GRIK4: variants seen among roughly 807,000 people sequenced by gnomAD.
The protein encoded by GRIK4 is glutamate receptor ionotropic, kainate 4.
GRIK4 carries 40 observed loss-of-function variants against 104.9 expected under a neutral mutation model. The observed-to-expected ratio is 0.38, with a 90% confidence interval of 0.30 to 0.50. GRIK4 has a LOEUF of 0.50. GRIK4 is among the 20% of genes least tolerant of loss of function. The pLI, the probability that GRIK4 is intolerant of heterozygous loss-of-function variation, is 0.93. For missense variants in GRIK4, 1,047 were observed against 1,308.1 expected, an observed-to-expected ratio of 0.80 and a Z score of 3.08; for synonymous variants, 485 against 524.9, an observed-to-expected ratio of 0.92 and a Z score of 1.04.
chr11:120,595,260 T>G (rs1322426735), intron 1 of GRIK4, among the ~76,000 whole-genome samples: 10 of 152,276 alleles, frequency 6.6e-5, no homozygotes, highest in Non-Finnish European at 7.3e-5. Context: ...TGGAGCACTC[T>G]TCGTCCTGCT....
intron 13 of GRIK4, among the ~76,000 whole-genome samples, chr11:120,938,377 T>G (rs973830191): frequency 6.6e-5 from 10 of 152,262 alleles, no homozygotes; most frequent in Admixed American, 2.0e-4. Flanking sequence ...TATTTTGTAG[T>G]GAAAATCCCC....
chr11:120,691,241 C>T (rs981900611), intron 3 of GRIK4, among the ~76,000 whole-genome samples: 1 of 152,070 alleles, frequency 6.6e-6, no homozygotes, highest in South Asian at 2.1e-4. Context: ...TCACTGTGGC[C>T]GACTCCTCAG....
At chr11:120,650,987 C>T (rs527811455) in intron 1 of GRIK4, among the ~76,000 whole-genome samples, 4 of 152,276 alleles carry the variant, frequency 2.6e-5, no homozygotes, top group African/African-American at 7.2e-5. Flanking sequence ...TCCAAGGTCA[C>T]GCAGCCCTCT....
chr11:120,542,199 TGAA>T (rs1392114670), intron 1 of GRIK4, among the ~76,000 whole-genome samples: 2 of 152,174 alleles, frequency 1.3e-5, no homozygotes, highest in African/African-American at 2.4e-5. Context: ...GAATACACAG[TGAA>T]GAAGGACAGT....
chr11:120,776,902 G>A (rs1042956051), intron 3 of GRIK4, among the ~76,000 whole-genome samples: 5 of 152,218 alleles, frequency 3.3e-5, no homozygotes, highest in African/African-American at 1.2e-4. Context: ...TTACATAGAA[G>A]TGGCAGTTTC....
At position 120,782,164 on chromosome 11, in the gene GRIK4, T is replaced by C. The variant is rs149105091; in HGVS notation, c.83-20529T>C. On this transcript the variant is annotated intron_variant, in intron 3 of 20. Transcript: ENST00000527524. ...ATTATCCTGCATTTATTTCCTTACA[T>C]GTGTGCTGTCTGCCTCCTCAGCTAG... Among the ~76,000 whole-genome samples, 1,053 of 152,324 alleles carry C rather than the reference T, an allele frequency of 6.9e-3. 11 individuals are homozygous for C. Among genetic ancestry groups the C allele is most frequent in the African/African-American group, 0.024 (1,013 of 41,574 alleles).
At chr11:120,784,714 A>G (rs1290699950) in intron 3 of GRIK4, among the ~76,000 whole-genome samples, 3 of 151,986 alleles carry the variant, frequency 2.0e-5, no homozygotes, top group African/African-American at 7.3e-5. Flanking sequence ...TGGATTCTTG[A>G]GATGGCACCT....
At chr11:120,760,630 T>C (rs1951734214) in intron 3 of GRIK4, among the ~76,000 whole-genome samples, 1 of 152,044 alleles carries the variant, frequency 6.6e-6, no homozygotes, top group African/African-American at 2.4e-5. Context: ...TAGTGTCTGA[T>C]GTTCCCCTCC....
chr11:120,719,488 T>C (rs1591832765), intron 3 of GRIK4, among the ~76,000 whole-genome samples: 2 of 152,302 alleles, frequency 1.3e-5, no homozygotes, highest in South Asian at 4.1e-4. Flanking sequence ...TTCTGAGTGC[T>C]CCTCTTCTGG....
intron 3 of GRIK4, among the ~76,000 whole-genome samples, chr11:120,783,694 C>A (rs1952207920): frequency 6.6e-6 from 1 of 152,140 alleles, no homozygotes; most frequent in Non-Finnish European, 1.5e-5. Flanking sequence ...TCCCCTCGTC[C>A]CTCTATGCAT....
intron 13 of GRIK4, among the ~76,000 whole-genome samples, chr11:120,913,596 G>A (rs933432120): frequency 9.2e-5 from 14 of 151,806 alleles, no homozygotes; most frequent in African/African-American, 2.2e-4. Flanking sequence ...CCATGTTGGC[G>A]GAATGGCACA....
chr11:120,661,366 C>T (rs942528963), intron 3 of GRIK4, among the ~76,000 whole-genome samples: 3 of 152,166 alleles, frequency 2.0e-5, no homozygotes, highest in African/African-American at 7.2e-5. Flanking sequence ...AGTTAAGTGA[C>T]AGCCCTAGAG....
In GRIK4 at chr11:120,796,811, C is replaced by T. The variant is rs201706946; in HGVS notation, c.83-5882C>T. Among the ~76,000 whole-genome samples the T allele has an allele frequency of 5.9e-5, 9 of 151,404 alleles. No homozygotes were observed. The East Asian group carries it at 1.6e-3, about 27-fold the overall frequency. On this transcript the variant is annotated intron_variant, in intron 3 of 20. Coordinates refer to ENST00000527524, the MANE Select transcript of GRIK4 (RefSeq NM_014619.5). Reference sequence around the variant, plus strand: ...CAGAGAGTGGGGAGGTTCTGAGGACCTTGAGCGGGTCAGTGGCTGTATGCC... The same window carrying T: ...CAGAGAGTGGGGAGGTTCTGAGGACTTTGAGCGGGTCAGTGGCTGTATGCC...
intron 2 of GRIK4, among the ~76,000 whole-genome samples, chr11:120,657,971 C>T (rs544016579): frequency 7.9e-5 from 12 of 152,336 alleles, no homozygotes; most frequent in African/African-American, 2.6e-4. Flanking sequence ...CCCTCGTGTC[C>T]CCTGCCATTC....
At chr11:120,815,534 A>G in intron 5 of GRIK4, 59 bp downstream of exon 5, 1 of 1,009,936 alleles carries the variant, frequency 9.9e-7, no homozygotes, top group Non-Finnish European at 1.5e-6. Context: ...CCAGGGTCCA[A>G]AGATAGGGTT....
intron 13 of GRIK4, among the ~76,000 whole-genome samples, chr11:120,913,856 T>TG (rs1555092503): frequency 2.3e-4 from 30 of 132,750 alleles, no homozygotes; most frequent in Non-Finnish European, 4.0e-4. Context: ...TTTGCTGAAC[T>TG]AAAAAAAAAA....
intron 11 of GRIK4, among the ~76,000 whole-genome samples, chr11:120,876,108 A>AATC (rs1196262513): frequency 1.3e-5 from 2 of 149,832 alleles, no homozygotes; most frequent in African/African-American, 4.9e-5. Context: ...GATTATGAAG[A>AATC]ATCATCATCA....
rs180949287 is a variant in GRIK4 at position 120,549,890 on chromosome 11, C to G, written c.-159+38003C>G. ...TGCTGGATGTTGAGATGTGAACCTG[C>G]GAGGTAGACGGCAGCCTCAGCCATT... On this transcript the variant is annotated intron_variant, in intron 1 of 20. Coordinates refer to ENST00000527524, the MANE Select transcript of GRIK4 (RefSeq NM_014619.5). The surrounding 1 kb of genome is among the most constrained non-coding windows in gnomAD (Gnocchi z 4.7). 6.6e-6 allele frequency among the ~76,000 whole-genome samples: 1 copy of G among 152,136 alleles called. No individual in the cohort carries two copies. The highest frequency in any genetic ancestry group is 2.4e-5 in the African/African-American group (1 of 41,418).
intron 3 of GRIK4, among the ~76,000 whole-genome samples, chr11:120,743,097 G>T (rs1340576662): frequency 6.6e-6 from 1 of 152,132 alleles, no homozygotes; most frequent in Non-Finnish European, 1.5e-5. Flanking sequence ...AGGTGTGGTG[G>T]CGGGTGCCTG....
Sources: allele counts gnomAD v4.1 joint callset (sites outside exome capture counted in the v4.1 genomes callset), GRCh38; gene constraint gnomAD v4.1.1; non-coding constraint Gnocchi (gnomAD v3.1); transcripts MANE v1.5; gene names NCBI Gene and HGNC (gene_info 2026-07-23, HGNC 2026-07-21).